The following UBE3C variants were observed in gnomAD, a reference collection of about 807,000 sequenced individuals.
The protein encoded by UBE3C is ubiquitin-protein ligase E3C.
Under a neutral mutation model 129.4 loss-of-function variants are expected in UBE3C, and 42 were observed. The observed-to-expected ratio is 0.32, with a 90% confidence interval of 0.25 to 0.42. The LOEUF (loss-of-function observed/expected upper bound fraction) is 0.42, where lower values mean the gene tolerates loss of function less well. UBE3C is among the 10% of genes least tolerant of loss of function. The pLI, the probability that UBE3C is intolerant of heterozygous loss-of-function variation, is 1.00. For missense variants in UBE3C, 1,049 were observed against 1,319.1 expected (o/e 0.80, Z 3.17); for synonymous variants, 510 against 492.4 (o/e 1.04, Z -0.47).
intron 1 of UBE3C, among the ~76,000 whole-genome samples, chr7:157,145,517 A>T (rs547302785): frequency 9.9e-5 from 15 of 152,254 alleles, no homozygotes; most frequent in Admixed American, 3.3e-4. Flanking sequence ...ATACTCTTTT[A>T]AAAAAGAAAA....
At chr7:157,253,925 T>G in intron 19 of UBE3C, 29 bp from the exon 20 acceptor site, 1 of 1,548,148 alleles carries the variant, frequency 6.5e-7, no homozygotes, top group African/African-American at 1.4e-5. Context: ...CTTTGAGGAT[T>G]TTGAGATCCT....
At chr7:157,170,576 T>TCA in intron 4 of UBE3C, 126 bp downstream of exon 4, 2 of 1,042,928 alleles carry the variant, frequency 1.9e-6, no homozygotes, top group Non-Finnish European at 2.5e-6. Context: ...TGCAAACTTC[T>TCA]CAGCTAGCTG....
chr7:157,157,538 T>C (rs1807945031), intron 1 of UBE3C, among the ~76,000 whole-genome samples: 1 of 151,906 alleles, frequency 6.6e-6, no homozygotes, highest in South Asian at 2.1e-4. Context: ...AATTTGGAAA[T>C]ATTCATTAAA....
At chr7:157,243,957 C>T (rs556973182) in intron 18 of UBE3C, among the ~76,000 whole-genome samples, 11 of 152,192 alleles carry the variant, frequency 7.2e-5, no homozygotes, top group East Asian at 1.9e-4. Context: ...TGTTGCCAGG[C>T]GCGGTGGCTC....
chr7:157,220,481 A>T (rs947449088), intron 14 of UBE3C, among the ~76,000 whole-genome samples: 4 of 152,256 alleles, frequency 2.6e-5, no homozygotes, highest in Admixed American at 1.3e-4. Flanking sequence ...ATATTAGAAA[A>T]CATAGTTAAC....
intron 22 of UBE3C, chr7:157,263,303 C>T (rs889032933): frequency 6.7e-6 from 1 of 150,226 alleles, no homozygotes; most frequent in African/African-American, 2.5e-5. Flanking sequence ...GGCGCCTGTC[C>T]TAACGCCACC....
chr7:157,200,440 A>AT (rs1311370612), intron 10 of UBE3C, among the ~76,000 whole-genome samples: 3 of 152,112 alleles, frequency 2.0e-5, no homozygotes, highest in African/African-American at 7.2e-5. Context: ...CAAATATGAG[A>AT]TTTTTTTATT....
rs573931017 is a variant in UBE3C at position 157,234,033 on chromosome 7, TTTA to T, written c.2481+2713_2481+2715del. On this transcript the variant is annotated intron_variant, in intron 18 of 22. Coordinates refer to ENST00000348165, the MANE Select transcript of UBE3C (RefSeq NM_014671.3). ...TGCCTATTTTTTTATTGGATTGTCT[TTTA>T]TTATTAAGTCCCTGCAATGCAATGA... Among the ~76,000 whole-genome samples the T allele has an allele frequency of 3.5e-4, 54 of 152,352 alleles. 1 individual carries two copies. In the South Asian group the frequency reaches 5.6e-3, roughly 16 times the overall value.
In UBE3C at chr7:157,267,794, C is replaced by CT; in HGVS notation, c.*41dup. On this transcript the variant is annotated 3_prime_UTR_variant, in exon 23 of 23. Coordinates refer to ENST00000348165, the MANE Select transcript of UBE3C (RefSeq NM_014671.3). ...GTCAGACCCCTACAGAGAACCAGTG[C>CT]TTCCTTCGTCAGCAGCGCCTCCCCA... The CT allele has an allele frequency of 6.6e-7, 1 of 1,514,882 alleles. No individual in the cohort carries two copies. Among genetic ancestry groups the CT allele is most frequent in the Non-Finnish European group, 8.8e-7 (1 of 1,134,340 alleles). The allele number at this position is 1,514,882 out of a possible 1,614,324, so 93.8% of individuals were successfully genotyped here.
At chr7:157,206,460 C>T (rs1809436214) in intron 11 of UBE3C, among the ~76,000 whole-genome samples, 1 of 152,028 alleles carries the variant, frequency 6.6e-6, no homozygotes, top group South Asian at 2.1e-4. Context: ...GATGGGGTTT[C>T]ACCATGTTGG....
intron 2 of UBE3C, among the ~76,000 whole-genome samples, chr7:157,167,685 C>T (rs756072745): frequency 3.3e-5 from 5 of 151,662 alleles, no homozygotes; most frequent in South Asian, 2.1e-4. Flanking sequence ...TATAGGCACC[C>T]GCCACCATGC....
At chr7:157,180,994 G>A (rs116684305) in intron 6 of UBE3C, among the ~76,000 whole-genome samples, 3,944 of 152,262 alleles carry the variant, frequency 0.026, 195 homozygotes, top group African/African-American at 0.09. Context: ...GACTACAGTG[G>A]AATGAAACCT....
rs746915507 is a variant in UBE3C, at chr7:157,189,928, G to A, written c.1331+2907G>A. ...CGATCCTCCTACTTCAGCCTCCCGA[G>A]TAGCTGAGATTACGGGCACCCATCA... On this transcript the variant is annotated intron_variant, in intron 10 of 22. Coordinates refer to ENST00000348165, the MANE Select transcript of UBE3C (RefSeq NM_014671.3). Among the ~76,000 whole-genome samples, 34 of 151,950 alleles carry A rather than the reference G, an allele frequency of 2.2e-4. 1 individual carries two copies. Among genetic ancestry groups the A allele is most frequent in the Non-Finnish European group, 4.6e-4 (31 of 68,004 alleles).
intron 4 of UBE3C, among the ~76,000 whole-genome samples, chr7:157,172,051 C>T (rs1274985701): frequency 1.4e-5 from 2 of 146,250 alleles, no homozygotes; most frequent in East Asian, 2.0e-4. Flanking sequence ...CTTTTTGAGA[C>T]GGAGTCTTGC....
intron 18 of UBE3C, chr7:157,231,586 A>G (rs770987024): frequency 4.4e-6 from 2 of 453,890 alleles, no homozygotes; most frequent in Non-Finnish European, 8.0e-6. Context: ...AGAGGTGATT[A>G]GATCATGTGA....
Position 157,139,212 on chromosome 7 carries a change from T to G in UBE3C, c.-61T>G. 2 of 1,311,856 alleles carry G rather than the reference T, an allele frequency of 1.5e-6. No homozygotes were observed. Among genetic ancestry groups the G allele is most frequent in the Non-Finnish European group, 2.0e-6 (2 of 1,016,422 alleles). The allele number at this position is 1,311,856 out of a possible 1,614,324, so 81.3% of individuals were successfully genotyped here. ...GCCGAGAGCCTCCCAGCCCGCCCCG[T>G]GCCCCGCCCGCCCGGCTGCTTCCGC... On this transcript the variant is annotated 5_prime_UTR_variant, in exon 1 of 23. Transcript: ENST00000348165.
chr7:157,160,221 C>T (rs536755802), intron 1 of UBE3C, among the ~76,000 whole-genome samples: 4 of 152,014 alleles, frequency 2.6e-5, no homozygotes, highest in Admixed American at 6.5e-5. Context: ...ACTACAGGTG[C>T]GCGCCACCAC....
intron 10 of UBE3C, among the ~76,000 whole-genome samples, chr7:157,196,169 C>A (rs368023996): frequency 6.6e-6 from 1 of 152,126 alleles, no homozygotes; most frequent in African/African-American, 2.4e-5. Context: ...CCAAGGAATG[C>A]GGATGTTCTC....
rs1796692731 is a variant in UBE3C at position 157,254,398 on chromosome 7, A to ATTAAT, written c.2950+90_2950+91insAATTT. 1.0e-4 allele frequency: 64 copies of ATTAAT among 629,360 alleles called. No individual in the cohort carries two copies. In the African/African-American group the frequency reaches 1.1e-3, roughly 10 times the overall value. The allele number at this position is 629,360 out of a possible 1,614,324, so 39.0% of individuals were successfully genotyped here. Reference sequence around the variant, plus strand: ...ATTTTTATTTTATTTTAATTAATTTATTTATTTTTTTTTTTTCAGACTGAG... The same window carrying ATTAAT: ...ATTTTTATTTTATTTTAATTAATTTATTAATTTTATTTTTTTTTTTTCAGACTGAG... On this transcript the variant is annotated intron_variant, in intron 21 of 22. Coordinates refer to ENST00000348165, the MANE Select transcript of UBE3C (RefSeq NM_014671.3).
Sources: allele counts gnomAD v4.1 joint callset (sites outside exome capture counted in the v4.1 genomes callset), GRCh38; gene constraint gnomAD v4.1.1; transcripts MANE v1.5; gene names NCBI Gene and HGNC (gene_info 2026-07-23, HGNC 2026-07-21).